ESRRB: variants seen among roughly 807,000 people sequenced by gnomAD.
ESRRB encodes the protein steroid hormone receptor ERR2.
In ESRRB, 16 loss-of-function variants were observed where a neutral mutation model predicts 46.0. The observed-to-expected ratio is 0.35, with a 90% CI of 0.24 to 0.53. ESRRB has a LOEUF of 0.53. ESRRB is among the 20% of genes least tolerant of loss of function. ESRRB has a pLI of 0.93. For synonymous variants in ESRRB, 246 were observed against 259.6 expected (o/e 0.95, Z 0.50); for missense variants, 488 against 607.4 (o/e 0.80, Z 2.07).
intron 3 of ESRRB, among the ~76,000 whole-genome samples, chr14:76,481,495 TA>T (rs1889803341): frequency 6.6e-6 from 1 of 152,206 alleles, no homozygotes; most frequent in Non-Finnish European, 1.5e-5. Context: ...GGGACTTGTG[TA>T]AAGACAGACT....
chr14:76,382,780 T>TTTTCA (rs1433595295), intron 1 of ESRRB, among the ~76,000 whole-genome samples: 2 of 152,220 alleles, frequency 1.3e-5, no homozygotes, highest in African/African-American at 4.8e-5. Flanking sequence ...AGATAGAATT[T>TTTTCA]TTTCATTTCA....
intron 2 of ESRRB, among the ~76,000 whole-genome samples, chr14:76,448,389 C>T (rs555031375): frequency 5.0e-4 from 74 of 148,662 alleles, no homozygotes; most frequent in African/African-American, 1.8e-3. Flanking sequence ...AGTGCAGTGA[C>T]GCAATCTCGG....
intron 2 of ESRRB, among the ~76,000 whole-genome samples, chr14:76,455,570 T>C (rs944928342): frequency 6.6e-5 from 10 of 152,164 alleles, no homozygotes; most frequent in African/African-American, 2.4e-4. Flanking sequence ...TTCTGGATCC[T>C]ACCTCTTCCT....
At chr14:76,426,254 G>T (rs1286629566) in intron 1 of ESRRB, among the ~76,000 whole-genome samples, 2 of 152,156 alleles carry the variant, frequency 1.3e-5, no homozygotes, top group African/African-American at 4.8e-5. Flanking sequence ...GACAGGAGGG[G>T]AGGGAGTGGA....
At chr14:76,394,107 A>G (rs1885579407) in intron 1 of ESRRB, among the ~76,000 whole-genome samples, 1 of 151,490 alleles carries the variant, frequency 6.6e-6, no homozygotes. Context: ...AGCCTAGAAC[A>G]CTTTGGATTC....
chr14:76,479,178 G>A (rs1227129501), intron 3 of ESRRB, among the ~76,000 whole-genome samples: 6 of 152,230 alleles, frequency 3.9e-5, no homozygotes, highest in South Asian at 2.1e-4. Flanking sequence ...GGAAGACAGC[G>A]GAGACTGCTC....
chr14:76,485,741 G>A (rs995709889), intron 5 of ESRRB, among the ~76,000 whole-genome samples: 3 of 152,114 alleles, frequency 2.0e-5, no homozygotes, highest in African/African-American at 4.8e-5. Flanking sequence ...GTTGGCTCCA[G>A]TCCATCTAGT....
At chr14:76,400,638 T>C (rs530013171) in intron 1 of ESRRB, among the ~76,000 whole-genome samples, 1 of 152,306 alleles carries the variant, frequency 6.6e-6, no homozygotes, top group Admixed American at 6.5e-5. Context: ...GTGGGAATTA[T>C]CTTGTGTGGT....
Position 76,500,729 on chromosome 14 carries a change from C to A in ESRRB, c.*2271C>A. The A allele has an allele frequency of 6.2e-7, 1 of 1,613,950 alleles. No homozygotes were observed. Among genetic ancestry groups the A allele is most frequent in the Non-Finnish European group, 8.5e-7 (1 of 1,179,858 alleles). ...CTCTGGCTCACCATGTAACATCTGG[C>A]TTGGAGCAAGTGGGTGTTCTGCACA... On this transcript the variant is annotated 3_prime_UTR_variant, in exon 7 of 7. Transcript: ENST00000644823.
At chr14:76,314,215 C>T (rs1361671492) in intron 1 of ESRRB, among the ~76,000 whole-genome samples, 1 of 152,148 alleles carries the variant, frequency 6.6e-6, no homozygotes, top group African/African-American at 2.4e-5. Context: ...CAGTGTGGAG[C>T]TGGAGAGAGG....
intron 3 of ESRRB, among the ~76,000 whole-genome samples, chr14:76,464,132 G>A (rs866361276): frequency 1.3e-5 from 2 of 152,184 alleles, no homozygotes; most frequent in African/African-American, 4.8e-5. Context: ...TTTAAGCTCC[G>A]GGCCTGGAAT....
intron 5 of ESRRB, among the ~76,000 whole-genome samples, chr14:76,490,507 T>C (rs1273433896): frequency 1.3e-5 from 2 of 152,194 alleles, no homozygotes; most frequent in Admixed American, 6.5e-5. Flanking sequence ...CTCTCTGAAG[T>C]AGACCCTACT....
intron 6 of ESRRB, among the ~76,000 whole-genome samples, chr14:76,494,307 CTTTTT>C (rs34982499): frequency 7.0e-6 from 1 of 142,262 alleles, no homozygotes; most frequent in Non-Finnish European, 1.5e-5. Flanking sequence ...TACAGAATAA[CTTTTT>C]TTTTTTTTTT....
At chr14:76,485,002 T>C (rs1326899527) in intron 5 of ESRRB, among the ~76,000 whole-genome samples, 1 of 152,200 alleles carries the variant, frequency 6.6e-6, no homozygotes, top group Non-Finnish European at 1.5e-5. Flanking sequence ...CCTCCTTTCA[T>C]GGCTTCATTT....
chr14:76,390,355 G>C (rs1042949400), intron 1 of ESRRB, among the ~76,000 whole-genome samples: 24 of 152,156 alleles, frequency 1.6e-4, no homozygotes, highest in Admixed American at 1.3e-3. Flanking sequence ...CAGGCGTGGT[G>C]GTGGGCACCT....
At chr14:76,331,104 C>T (rs934878070) in intron 1 of ESRRB, among the ~76,000 whole-genome samples, 11 of 152,064 alleles carry the variant, frequency 7.2e-5, no homozygotes, top group African/African-American at 2.4e-4. Context: ...AGGAAGGGAT[C>T]GCCTCCCCAT....
At chr14:76,362,941 C>T (rs1884480849) in intron 1 of ESRRB, among the ~76,000 whole-genome samples, 1 of 152,154 alleles carries the variant, frequency 6.6e-6, no homozygotes, top group Admixed American at 6.6e-5. Flanking sequence ...TTTTGAGACC[C>T]ATTAGGCAAA....
upstream of ESRRB, chr14:76,371,518 G>A (rs1203684248): frequency 6.6e-6 from 1 of 152,350 alleles, no homozygotes; most frequent in Non-Finnish European, 1.5e-5. Flanking sequence ...CCCTGGGGTG[G>A]AAGAGAAATG....
At chr14:76,469,586 G>T (rs1028389529) in intron 3 of ESRRB, among the ~76,000 whole-genome samples, 16 of 151,786 alleles carry the variant, frequency 1.1e-4, no homozygotes, top group African/African-American at 3.9e-4. Flanking sequence ...AAAGAGACAG[G>T]CTGGTCTCAA....
Sources: gnomAD v4.1 joint callset for allele counts (sites outside exome capture counted in the v4.1 genomes callset) on GRCh38, gnomAD v4.1.1 for gene constraint, MANE v1.5 for transcripts, NCBI Gene and HGNC (gene_info 2026-07-23, HGNC 2026-07-21) for gene names.